CFDP1: variants seen among roughly 807,000 people sequenced by gnomAD.
CFDP1 encodes the protein chromatin remodeling protein CFDP1.
In CFDP1, 31 loss-of-function variants were observed where a neutral mutation model predicts 40.1. That is an observed-to-expected ratio of 0.77 (90% CI 0.58 to 1.04). The LOEUF is 1.04. CFDP1 is among the 50% of genes least tolerant of loss of function. CFDP1 has a pLI of 0.00. For synonymous variants in CFDP1, 167 were observed against 120.0 expected (o/e 1.39, Z -2.56); for missense variants, 423 against 343.4 (o/e 1.23, Z -1.83).
At chr16:75,302,072 A>T (rs1004678514) in intron 6 of CFDP1, among the ~76,000 whole-genome samples, 2 of 152,164 alleles carry the variant, frequency 1.3e-5, no homozygotes, top group African/African-American at 4.8e-5. Context: ...CCTCAAGCAA[A>T]GGAGGGAAAA....
At chr16:75,339,237 G>A (rs947096539) in intron 5 of CFDP1, among the ~76,000 whole-genome samples, 2 of 151,652 alleles carry the variant, frequency 1.3e-5, no homozygotes, top group Non-Finnish European at 2.9e-5. Flanking sequence ...TGGCTCATTC[G>A]TCCTGCTCAC....
intron 2 of CFDP1, 149 bp from the exon 3 acceptor site, chr16:75,412,903 A>C: frequency 1.8e-6 from 1 of 540,778 alleles, no homozygotes; most frequent in Non-Finnish European, 3.2e-6. Context: ...TAGAAGAGTT[A>C]AGCTGAAATT....
intron 4 of CFDP1, among the ~76,000 whole-genome samples, chr16:75,406,196 G>A (rs540683589): frequency 6.6e-6 from 1 of 151,908 alleles, no homozygotes; most frequent in Non-Finnish European, 1.5e-5. Context: ...GCAACATAGG[G>A]AGACCTCGTC....
At chr16:75,299,443 A>G (rs2078206677) in intron 6 of CFDP1, among the ~76,000 whole-genome samples, 1 of 139,402 alleles carries the variant, frequency 7.2e-6, no homozygotes, top group Admixed American at 7.5e-5. Flanking sequence ...AAAATACAAA[A>G]AATTAGCCGG....
At chr16:75,305,263 T>A in intron 5 of CFDP1, 81 bp from the exon 6 acceptor site, 1 of 1,413,990 alleles carries the variant, frequency 7.1e-7, no homozygotes, top group Non-Finnish European at 9.7e-7. Context: ...CAAATGGGAA[T>A]CCCCTAGATT....
At chr16:75,336,722 C>T (rs143760892) in intron 5 of CFDP1, among the ~76,000 whole-genome samples, 1 of 152,336 alleles carries the variant, frequency 6.6e-6, no homozygotes, top group African/African-American at 2.4e-5. Context: ...ACAGTGGTTA[C>T]TGCTGGACTG....
At chr16:75,395,697 A>C (rs2078990835) in intron 4 of CFDP1, among the ~76,000 whole-genome samples, 1 of 152,122 alleles carries the variant, frequency 6.6e-6, no homozygotes. Flanking sequence ...TTCCCTCACT[A>C]AAATTAACAA....
chr16:75,347,114 G>A (rs1288132955), intron 5 of CFDP1, among the ~76,000 whole-genome samples: 1 of 152,024 alleles, frequency 6.6e-6, no homozygotes, highest in African/African-American at 2.4e-5. Context: ...GGGAGGCTGA[G>A]GTGGGTGAAT....
intron 4 of CFDP1, among the ~76,000 whole-genome samples, chr16:75,406,415 CAAAT>C (rs975617803): frequency 1.3e-5 from 2 of 149,394 alleles, no homozygotes; most frequent in African/African-American, 4.9e-5. Flanking sequence ...AATAAACAAA[CAAAT>C]AGGCAGGGTG....
intron 6 of CFDP1, among the ~76,000 whole-genome samples, chr16:75,302,646 C>T (rs915963549): frequency 2.0e-5 from 3 of 152,216 alleles, no homozygotes; most frequent in African/African-American, 4.8e-5. Context: ...GTGTAGCACA[C>T]GCTGATAGTT....
intron 4 of CFDP1, among the ~76,000 whole-genome samples, chr16:75,411,084 T>C (rs1413699364): frequency 6.6e-6 from 1 of 151,664 alleles, no homozygotes; most frequent in Non-Finnish European, 1.5e-5. Flanking sequence ...AGGGCATGGT[T>C]GCACAGGCTT....
intron 4 of CFDP1, chr16:75,409,542 C>T (rs1401477807): frequency 6.6e-6 from 1 of 152,116 alleles, no homozygotes; most frequent in Non-Finnish European, 1.5e-5. Flanking sequence ...AAGTACTGGT[C>T]TGCTATAGAT....
At chr16:75,415,042 T>A (rs964840813) in intron 1 of CFDP1, among the ~76,000 whole-genome samples, 10 of 152,238 alleles carry the variant, frequency 6.6e-5, no homozygotes, top group Non-Finnish European at 1.5e-4. Flanking sequence ...AATGAGTGAA[T>A]GAACAGAAAT....
chr16:75,418,252 C>CAAAAAA (rs34789992), intron 1 of CFDP1, among the ~76,000 whole-genome samples: 5 of 56,988 alleles, frequency 8.8e-5, no homozygotes, highest in South Asian at 9.2e-4. Flanking sequence ...AACTCTGTCT[C>CAAAAAA]AAAAAAAAAA....
intron 5 of CFDP1, among the ~76,000 whole-genome samples, chr16:75,394,469 A>G (rs920782079): frequency 6.6e-6 from 1 of 152,202 alleles, no homozygotes; most frequent in Non-Finnish European, 1.5e-5. Flanking sequence ...TTCCTCTAAG[A>G]TCACAGAGGA....
At chr16:75,412,288 G>A (rs965698660) in intron 3 of CFDP1, among the ~76,000 whole-genome samples, 3 of 152,244 alleles carry the variant, frequency 2.0e-5, no homozygotes, top group South Asian at 4.1e-4. Context: ...CAAAGTGCAG[G>A]GATTGTTGGT....
At chr16:75,399,023 C>A (rs1330068753) in intron 4 of CFDP1, among the ~76,000 whole-genome samples, 3 of 141,242 alleles carry the variant, frequency 2.1e-5, no homozygotes, top group East Asian at 2.1e-4. Context: ...TGCCACTGCA[C>A]TTCAGCCTGG....
chr16:75,317,476 A>T (rs375624139), intron 5 of CFDP1, among the ~76,000 whole-genome samples: 1 of 152,192 alleles, frequency 6.6e-6, no homozygotes. Flanking sequence ...CCAAGGAGGA[A>T]ATGTTGAGTG....
chr16:75,336,250 G>A (rs2078486971), intron 5 of CFDP1, among the ~76,000 whole-genome samples: 1 of 152,206 alleles, frequency 6.6e-6, no homozygotes, highest in Non-Finnish European at 1.5e-5. Context: ...CCAAATGCTT[G>A]TGGTGCAGAT....
Sources: gnomAD v4.1 joint callset for allele counts (sites outside exome capture counted in the v4.1 genomes callset) on GRCh38, gnomAD v4.1.1 for gene constraint, MANE v1.5 for transcripts, NCBI Gene and HGNC (gene_info 2026-07-23, HGNC 2026-07-21) for gene names.